The following RIF1 variants were observed in gnomAD, a reference collection of about 807,000 sequenced individuals.
RIF1 encodes the protein telomere-associated protein RIF1.
Under a neutral mutation model 247.1 loss-of-function variants are expected in RIF1, and 45 were observed. The observed-to-expected ratio is 0.18, with a 90% confidence interval of 0.14 to 0.23. The LOEUF (loss-of-function observed/expected upper bound fraction) is 0.23, where lower values mean the gene tolerates loss of function less well. RIF1 is among the 10% of genes least tolerant of loss of function. The probability of loss-of-function intolerance (pLI) is 1.00; values close to 1 mark genes in which losing one functional copy is unlikely to be tolerated. For synonymous variants in RIF1, 1,087 were observed against 978.8 expected, an observed-to-expected ratio of 1.11 and a Z score of -2.06; for missense variants, 2,967 against 2,862.5, an observed-to-expected ratio of 1.04 and a Z score of -0.83.
rs777375815 is a variant in RIF1 at position 151,465,864 on chromosome 2, A to G, written c.6344A>G (p.His2115Arg). 1.4e-5 allele frequency: 22 copies of G among 1,613,298 alleles called. No individual in the cohort carries two copies. The South Asian group carries it at 2.1e-4, about 15-fold the overall frequency. The change falls in exon 30 of 36, where the codon CAT (histidine) becomes CGT (arginine). Residue 2115 changes from histidine to arginine, a missense_variant. By Grantham distance (29) the His-to-Arg change is conservative. This residue lies in a region of RIF1 where 2,028 missense variants were observed against 1,825.6 expected (regional missense o/e 1.11). Transcript: ENST00000444746. ...AGTGATATTTTACAGGAAGATCACC[A>G]TACTTCACAGAAAGTGGAGGAACCA... ...MESDILQEDH[H>R]TSQKVEEPSQ...
At chr2:151,468,933 A>C (rs909267875) in intron 33 of RIF1, among the ~76,000 whole-genome samples, 177 bp downstream of exon 33, 1 of 152,222 alleles carries the variant, frequency 6.6e-6, no homozygotes, top group African/African-American at 2.4e-5. Context: ...TATGAAAAAC[A>C]TTTAGTATAG....
intron 34 of RIF1, among the ~76,000 whole-genome samples, chr2:151,473,420 C>T (rs1483938335): frequency 6.6e-6 from 1 of 151,246 alleles, no homozygotes; most frequent in Non-Finnish European, 1.5e-5. Context: ...CTCAGCCTCC[C>T]GAGTAGCTGG....
At chr2:151,440,959 C>G (rs142187383) in intron 15 of RIF1, among the ~76,000 whole-genome samples, 3 of 152,300 alleles carry the variant, frequency 2.0e-5, no homozygotes, top group South Asian at 4.1e-4. Context: ...CATAACTCTT[C>G]TATGACATTT....
intron 21 of RIF1, among the ~76,000 whole-genome samples, chr2:151,452,428 T>C (rs1694475016): frequency 6.6e-6 from 1 of 152,242 alleles, no homozygotes; most frequent in Admixed American, 6.5e-5. Flanking sequence ...TATATTATTC[T>C]TGTTTAAAGA....
intron 24 of RIF1, among the ~76,000 whole-genome samples, chr2:151,458,225 G>GTTTTTTTTTTTTTTTTTT (rs1559002529): frequency 8.7e-6 from 1 of 115,200 alleles, no homozygotes; most frequent in African/African-American, 3.0e-5. Flanking sequence ...GGAAATAGAT[G>GTTTTTTTTTTTTTTTTTT]ATTTTTTTTT....
At chr2:151,418,305 A>G (rs976906966) in intron 6 of RIF1, among the ~76,000 whole-genome samples, 7 of 152,166 alleles carry the variant, frequency 4.6e-5, no homozygotes, top group East Asian at 3.9e-4. Context: ...CCCAGGTTCA[A>G]GTAATTCTTG....
At chr2:151,498,855 G>A (rs2062220198) in intron 10 of RIF1, among the ~76,000 whole-genome samples, 1 of 150,906 alleles carries the variant, frequency 6.6e-6, no homozygotes, top group African/African-American at 2.4e-5. Flanking sequence ...TGAGAACAAC[G>A]ATGTTTAAGG....
chr2:151,453,468 T>G (rs1694672882), intron 21 of RIF1, among the ~76,000 whole-genome samples: 1 of 150,874 alleles, frequency 6.6e-6, no homozygotes, highest in Non-Finnish European at 1.5e-5. Flanking sequence ...TCCCAGCTAC[T>G]TGGGAATCTG....
intron 8 of RIF1, among the ~76,000 whole-genome samples, chr2:151,426,220 G>T: frequency 8.5e-6 from 1 of 118,206 alleles, no homozygotes. Flanking sequence ...TGTCGCCCAG[G>T]CTGGAGTGCA....
chr2:151,487,726 C>T (rs756720674), intron 9 of RIF1, among the ~76,000 whole-genome samples: 19 of 152,002 alleles, frequency 1.2e-4, no homozygotes, highest in Non-Finnish European at 2.2e-4. Flanking sequence ...AGTTTTAGGT[C>T]AAATGGCATG....
chr2:151,474,426 C>G (rs1186324572), intron 35 of RIF1, among the ~76,000 whole-genome samples: 1 of 152,178 alleles, frequency 6.6e-6, no homozygotes, highest in Non-Finnish European at 1.5e-5. Context: ...CGCCTGTAAT[C>G]CCAGCACTTT....
intron 12 of RIF1, chr2:151,505,697 T>C: frequency 1.3e-6 from 1 of 755,008 alleles, no homozygotes; most frequent in Non-Finnish European, 2.3e-6. Context: ...GCAGGCTTTA[T>C]ACTTAGTGTG....
chr2:151,456,631 A>C lies in RIF1; in HGVS notation c.2652+11A>C. 1 of 1,445,632 alleles carries C rather than the reference A, an allele frequency of 6.9e-7. No individual in the cohort carries two copies. 89.6% of individuals were successfully genotyped at this position (1,445,632 alleles called of 1,614,324 possible). ...TGTCTGAACAACAAGGTAAAAATAG[A>C]CAATTCTCCATAAACCATACTTTCA... On this transcript the variant is annotated intron_variant, in intron 23 of 35. Coordinates refer to ENST00000444746, the MANE Select transcript of RIF1 (RefSeq NM_018151.5).
chr2:151,473,042 C>A (rs2048676916), intron 34 of RIF1, among the ~76,000 whole-genome samples: 1 of 152,062 alleles, frequency 6.6e-6, no homozygotes, highest in South Asian at 2.1e-4. Flanking sequence ...TATGTATATA[C>A]CACATTTTGT....
At position 151,465,766 on chromosome 2, in the gene RIF1, T is replaced by C. The variant is rs755662637; in HGVS notation, c.6246T>C (p.Ala2082=). Residue 2082 remains alanine, a synonymous_variant, in exon 30 of 36, where the codon GCT becomes GCC. Coordinates refer to ENST00000444746, the MANE Select transcript of RIF1 (RefSeq NM_018151.5). The part of the protein sequence containing the change: ...EMSTEEGIID[A]NKTETNTEYS... Reference sequence around the variant, plus strand: ...GCACTGAAGAAGGAATCATTGACGCTAATAAAACTGAAACAAATACTGAGT... The same window carrying C: ...GCACTGAAGAAGGAATCATTGACGCCAATAAAACTGAAACAAATACTGAGT... 1 of 1,613,626 alleles carries C rather than the reference T, an allele frequency of 6.2e-7. No homozygotes were observed. Among genetic ancestry groups the C allele is most frequent in the South Asian group, 1.1e-5 (1 of 91,058 alleles).
At chr2:151,488,880 A>G (rs1441548853) in intron 9 of RIF1, among the ~76,000 whole-genome samples, 1 of 152,002 alleles carries the variant, frequency 6.6e-6, no homozygotes, top group African/African-American at 2.4e-5. Flanking sequence ...TTTTGTATCT[A>G]TTGCCATGCT....
At chr2:151,526,228 C>G in the RIF1 span, 2 of 1,612,924 alleles carry the variant, frequency 1.2e-6, no homozygotes. Flanking sequence ...ATGGCAGGTT[C>G]CTCTTTCCTT....
Position 151,409,971 on chromosome 2 carries a change from G to T in RIF1, c.-73G>T. 1.4e-6 allele frequency: 1 copy of T among 702,176 alleles called. No individual in the cohort carries two copies. Among genetic ancestry groups the T allele is most frequent in the East Asian group, 2.7e-5 (1 of 37,248 alleles). The allele number at this position is 702,176 out of a possible 1,614,324, so 43.5% of individuals were successfully genotyped here. A position where few individuals can be genotyped will look rare whatever the true frequency, so the allele number is the denominator to read the frequency against. On this transcript the variant is annotated 5_prime_UTR_variant, in exon 1 of 36. Transcript: ENST00000444746. ...AAACAGCCGGAGCTGGGAAAGTCGA[G>T]CTCTGGCAGCGTCTGGGTGCTGAGG... is the stretch of plus-strand genomic sequence containing the variant.
chr2:151,450,624 C>T (rs761051850), intron 20 of RIF1, among the ~76,000 whole-genome samples: 1 of 151,732 alleles, frequency 6.6e-6, no homozygotes, highest in African/African-American at 2.4e-5. Context: ...CTCGCTCTGT[C>T]GCAGGCTGGC....
Sources: gnomAD v4.1 joint callset for allele counts (sites outside exome capture counted in the v4.1 genomes callset) on GRCh38, gnomAD v4.1.1 for gene constraint, gnomAD v4.1.1 regional missense constraint, MANE v1.5 for transcripts, NCBI Gene and HGNC (gene_info 2026-07-23, HGNC 2026-07-21) for gene names.